Variants in ZNF432 observed in about 807,000 individuals in gnomAD.
ZNF432 encodes zinc finger protein 432.
Under a neutral mutation model 13.9 loss-of-function variants are expected in ZNF432, and 10 were observed. That is an observed-to-expected ratio of 0.72 (90% CI 0.44 to 1.22). The LOEUF (loss-of-function observed/expected upper bound fraction) is 1.22, where lower values mean the gene tolerates loss of function less well. Among genes scored for constraint, ZNF432 ranks in the 50% most tolerant of loss-of-function variants. ZNF432 has a pLI of 0.00. For synonymous variants in ZNF432, 247 were observed against 256.2 expected (o/e 0.96, Z 0.34); for missense variants, 793 against 796.2 (o/e 1.00, Z 0.05).
chr19:52,039,753 C>T (rs2087116201), intron 4 of ZNF432, among the ~76,000 whole-genome samples: 1 of 144,696 alleles, frequency 6.9e-6, no homozygotes, highest in South Asian at 2.2e-4. Context: ...CGCTTGAACC[C>T]GGGAGGTGGA....
In ZNF432 at chr19:52,034,695, C is replaced by T; in HGVS notation, c.984G>A (p.Gly328=). 6.2e-7 allele frequency: 1 copy of T among 1,613,920 alleles called. No homozygotes were observed. The highest frequency in any genetic ancestry group is 8.5e-7 in the Non-Finnish European group (1 of 1,179,942). The change falls in exon 5 of 5, where the codon GGG becomes GGA. Residue 328 remains glycine, a synonymous_variant. Coordinates refer to ENST00000221315, the MANE Select transcript of ZNF432 (RefSeq NM_014650.4). ...GCTGATGTATAATAAGCATGCTCTT[C>T]CCAGTGAAGCCTTTTCCACATTCAC... ...ICSECGKGFT[G]KSMLIIHQRT...
intron 2 of ZNF432, 81 bp downstream of exon 2, chr19:52,046,773 C>A: frequency 7.0e-7 from 1 of 1,437,836 alleles, no homozygotes; most frequent in Non-Finnish European, 9.6e-7. Context: ...TTATTTCTCT[C>A]TAGATTCTGA....
intron 1 of ZNF432, among the ~76,000 whole-genome samples, chr19:52,048,182 C>CACACACACAA (rs1482172095): frequency 5.0e-4 from 73 of 146,302 alleles, no homozygotes; most frequent in East Asian, 4.8e-3. Context: ...CACACACACA[C>CACACACACAA]AAAACCAGCC....
intron 2 of ZNF432, among the ~76,000 whole-genome samples, chr19:52,046,242 G>A (rs911483279): frequency 9.9e-5 from 15 of 151,894 alleles, no homozygotes; most frequent in African/African-American, 3.4e-4. Flanking sequence ...CACATGTTCA[G>A]GAAAATGGAA....
chr19:52,039,421 T>C (rs576400615), intron 4 of ZNF432, among the ~76,000 whole-genome samples: 1 of 152,260 alleles, frequency 6.6e-6, no homozygotes, highest in African/African-American at 2.4e-5. Context: ...CACTGATACA[T>C]GCTAAAGAAT....
intron 2 of ZNF432, among the ~76,000 whole-genome samples, chr19:52,042,453 GTGGGAGGAT>G (rs2087145641): frequency 6.6e-6 from 1 of 152,118 alleles, no homozygotes; most frequent in Non-Finnish European, 1.5e-5. Flanking sequence ...GGAGGGTGAG[GTGGGAGGAT>G]TGCTGGAGCC....
chr19:52,043,530 C>T (rs1452408400), intron 2 of ZNF432, among the ~76,000 whole-genome samples: 2 of 151,844 alleles, frequency 1.3e-5, no homozygotes, highest in African/African-American at 2.4e-5. Context: ...AAGACCTGAC[C>T]GTCCCCCAGC....
chr19:52,043,733 T>G (rs6509617), intron 2 of ZNF432, among the ~76,000 whole-genome samples: 35,913 of 152,158 alleles, frequency 0.24, 6,426 homozygotes, highest in African/African-American at 0.49. Flanking sequence ...GGTGGGACAT[T>G]CGGGCAGCAA....
At chr19:52,040,902 T>C (rs535899062) in intron 3 of ZNF432, among the ~76,000 whole-genome samples, 5 of 145,468 alleles carry the variant, frequency 3.4e-5, no homozygotes, top group Non-Finnish European at 7.5e-5. Flanking sequence ...AAGCCAGGAG[T>C]GGGAGACCAG....
rs2087028570 is a variant in ZNF432, at chr19:52,032,822, A to G, written c.*898T>C. The G allele has an allele frequency of 6.6e-6, 1 of 152,168 alleles. No homozygotes were observed. Among genetic ancestry groups the G allele is most frequent in the South Asian group, 2.1e-4 (1 of 4,834 alleles). The allele number at this position is 152,168 out of a possible 1,614,324, so 9.4% of individuals were successfully genotyped here. ...CTCTTCATATAAGTTTTATTTCTGT[A>G]TGAAGTAATGATGATGAGGCAGCAT... is the stretch of plus-strand genomic sequence containing the variant. On this transcript the variant is annotated 3_prime_UTR_variant, in exon 5 of 5. Transcript: ENST00000221315.
At chr19:52,047,138 C>G (rs1032559778) in intron 1 of ZNF432, 78 bp from the exon 2 acceptor site, 3 of 426,750 alleles carry the variant, frequency 7.0e-6, no homozygotes, top group African/African-American at 6.0e-5. Flanking sequence ...ATTTGGTTCT[C>G]TCAAACCAAG....
chr19:52,044,059 CGA>C (rs1446601575), intron 2 of ZNF432, among the ~76,000 whole-genome samples: 2 of 151,932 alleles, frequency 1.3e-5, no homozygotes, highest in Non-Finnish European at 2.9e-5. Flanking sequence ...TTCCACCTTA[CGA>C]GAAACACCCA....
At chr19:52,042,521 C>G (rs760676563) in intron 2 of ZNF432, among the ~76,000 whole-genome samples, 1 of 152,022 alleles carries the variant, frequency 6.6e-6, no homozygotes, top group East Asian at 1.9e-4. Flanking sequence ...TGTACTCCAG[C>G]CTGGGTGACA....
At chr19:52,048,327 C>T (rs550708887) in intron 1 of ZNF432, among the ~76,000 whole-genome samples, 1 of 152,136 alleles carries the variant, frequency 6.6e-6, no homozygotes, top group East Asian at 1.9e-4. Flanking sequence ...AATCACTAAG[C>T]CTCAGATTAA....
At position 52,048,263 on chromosome 19, in the gene ZNF432, T is replaced by C. The variant is rs532198971; in HGVS notation, c.-193+432A>G. ...AAGACCACCACCCCGCCAGATAAAA[T>C]AGGAAAACCTGGAATAGACACACAC... On this transcript the variant is annotated intron_variant, in intron 1 of 4. Coordinates refer to ENST00000221315, the MANE Select transcript of ZNF432 (RefSeq NM_014650.4). Among the ~76,000 whole-genome samples the C allele has an allele frequency of 2.0e-3, 308 of 150,294 alleles. 2 individuals are homozygous for C. Among genetic ancestry groups the C allele is most frequent in the African/African-American group, 7.0e-3 (285 of 40,882 alleles).
intron 2 of ZNF432, among the ~76,000 whole-genome samples, chr19:52,045,295 G>A (rs1191961834): frequency 2.0e-5 from 3 of 149,542 alleles, no homozygotes; most frequent in Non-Finnish European, 4.5e-5. Flanking sequence ...TGTTGAAGCA[G>A]TATAAGAGGA....
chr19:52,034,063 TTCTCTCCA>T lies in ZNF432; in HGVS notation c.1608_1615del (p.Gly537ThrfsTer6). 1.9e-6 allele frequency: 3 copies of T among 1,614,202 alleles called. No individual in the cohort carries two copies. The highest frequency in any genetic ancestry group is 2.5e-6 in the Non-Finnish European group (3 of 1,180,006). On this transcript the variant is annotated frameshift_variant, in exon 5 of 5. Transcript: ENST00000221315. LOFTEE classifies it low-confidence loss of function (END_TRUNC). ...TCCACATTCACTGCACATAAAGGGT[TTCTCTCCA>T]GTATGAGTTCGCTGGTGTACAACAA...
At chr19:52,048,128 A>AACACAC (rs3138637) in intron 1 of ZNF432, among the ~76,000 whole-genome samples, 8,581 of 103,258 alleles carry the variant, frequency 0.083, 638 homozygotes, top group Middle Eastern at 0.17. Flanking sequence ...GTTTGAGCTC[A>AACACAC]ACACACACAC....
At chr19:52,036,953 G>A (rs982969639) in intron 4 of ZNF432, among the ~76,000 whole-genome samples, 3 of 152,138 alleles carry the variant, frequency 2.0e-5, no homozygotes, top group African/African-American at 7.2e-5. Context: ...CTATAGGTGT[G>A]AGCCAAGGCA....
Sources: gnomAD v4.1 joint callset for allele counts (sites outside exome capture counted in the v4.1 genomes callset) on GRCh38, gnomAD v4.1.1 for gene constraint, MANE v1.5 for transcripts, NCBI Gene and HGNC (gene_info 2026-07-23, HGNC 2026-07-21) for gene names.